FAM186B: variants seen among roughly 807,000 people sequenced by gnomAD.
FAM186B encodes family with sequence similarity 186 member B.
FAM186B carries 68 observed loss-of-function variants against 83.4 expected under a neutral mutation model. That is an observed-to-expected ratio of 0.81 (90% CI 0.67 to 1.00). The LOEUF (loss-of-function observed/expected upper bound fraction) is 1.00. Ranked by LOEUF, FAM186B falls within the 50% of genes least tolerant of loss-of-function variation. The pLI is 0.00. For missense variants in FAM186B, 983 were observed against 1,099.2 expected (o/e 0.89, Z 1.49); for synonymous variants, 389 against 422.0 (o/e 0.92, Z 0.96).
chr12:49,617,535 C>A, the FAM186B span, among the ~76,000 whole-genome samples: 1 of 151,998 alleles, frequency 6.6e-6, no homozygotes, highest in Non-Finnish European at 1.5e-5. Flanking sequence ...CAGAATGAGA[C>A]CCTGTCTCAA....
chr12:49,614,524 C>T, the FAM186B span, among the ~76,000 whole-genome samples: 1 of 152,110 alleles, frequency 6.6e-6, no homozygotes, highest in Non-Finnish European at 1.5e-5. Context: ...GGGAGCTAAA[C>T]ATTGGGTACT....
upstream of FAM186B, among the ~76,000 whole-genome samples, chr12:49,608,614 A>G (rs959291206): frequency 1.3e-5 from 2 of 151,998 alleles, no homozygotes; most frequent in Non-Finnish European, 2.9e-5. Context: ...GTGGGCTTTA[A>G]TTCAAGAAAG....
chr12:49,599,662 T>C lies in FAM186B; in HGVS notation c.1978A>G (p.Lys660Glu), dbSNP rs747412448. ...GCCTCCATGTCCATGTGGTACACCTTCTTCTTAATATTTGCAGGGGATATC... is the reference window on the plus strand; with the variant it reads ...GCCTCCATGTCCATGTGGTACACCTCCTTCTTAATATTTGCAGGGGATATC... Reference protein sequence around the residue: ...LQISPANIKKKVYHMDMEAQR... With the variant: ...LQISPANIKKEVYHMDMEAQR... Residue 660 changes from lysine to glutamate, a missense_variant, in exon 4 of 7, where the codon AAG becomes GAG. Physicochemically the swap from Lys to Glu is moderately conservative, Grantham distance 56 (BLOSUM62 1). Coordinates refer to ENST00000257894, the MANE Select transcript of FAM186B (RefSeq NM_032130.3). 1 of 1,605,616 alleles carries C rather than the reference T, an allele frequency of 6.2e-7. No homozygotes were observed. The highest frequency in any genetic ancestry group is 8.5e-7 in the Non-Finnish European group (1 of 1,175,906).
chr12:49,610,773 G>C, the FAM186B span, among the ~76,000 whole-genome samples: 2 of 142,692 alleles, frequency 1.4e-5, no homozygotes, highest in Middle Eastern at 3.9e-3. Flanking sequence ...CTGGGCGACA[G>C]AGCAAGACTC....
rs753496585 is a variant in FAM186B, at chr12:49,599,573, G to A, written c.2067C>T (p.Arg689=). ...ESELRLPHYL[R]SKALELTTTT... Reference sequence around the variant, plus strand: ...TGGTGGTGAGCTCCAGTGCTTTGCTGCGCAGGTAGTGGGGCAGCCTCAACT... The same window carrying A: ...TGGTGGTGAGCTCCAGTGCTTTGCTACGCAGGTAGTGGGGCAGCCTCAACT... The change falls in exon 4 of 7, where the codon CGC becomes CGT. Residue 689 remains arginine, a synonymous_variant. Transcript: ENST00000257894. 6.2e-7 allele frequency: 1 copy of A among 1,612,820 alleles called. No individual in the cohort carries two copies. Among genetic ancestry groups the A allele is most frequent in the South Asian group, 1.1e-5 (1 of 90,890 alleles).
chr12:49,613,162 A>C, the FAM186B span, among the ~76,000 whole-genome samples: 37 of 152,346 alleles, frequency 2.4e-4, 1 homozygote, highest in East Asian at 6.9e-3. Context: ...TAAGGCAGAA[A>C]TCAAAATATT....
upstream of FAM186B, among the ~76,000 whole-genome samples, chr12:49,609,300 G>A (rs867953374): frequency 1.2e-4 from 18 of 152,276 alleles, no homozygotes; most frequent in Middle Eastern, 3.4e-3. Context: ...CACTCAGGGA[G>A]ATCTCCAGGC....
chr12:49,606,486 G>GACACACACAC (rs57458344), upstream of FAM186B, among the ~76,000 whole-genome samples: 111 of 136,086 alleles, frequency 8.2e-4, 1 homozygote, highest in African/African-American at 2.2e-3. Flanking sequence ...TAGATACCCT[G>GACACACACAC]ACACACACAC....
chr12:49,610,946 T>A, the FAM186B span, among the ~76,000 whole-genome samples: 6 of 151,922 alleles, frequency 3.9e-5, no homozygotes, highest in African/African-American at 7.3e-5. Context: ...AGGTAATTTT[T>A]AAAAATGAAC....
At position 49,599,888 on chromosome 12, in the gene FAM186B, T is replaced by G. The variant is rs1939830487; in HGVS notation, c.1752A>C (p.Gln584His). ...GTGGCCTCCTGCTTTGGTGAGCAGA[T>G]TGGGTCCGGCTTGGGGCAGGCACTA... ...LSLVPAPSRT[Q>H]SAHQSRRPHL... The change falls in exon 4 of 7, where the codon CAA becomes CAC. Residue 584 changes from glutamine to histidine, a missense_variant. Coordinates refer to ENST00000257894, the MANE Select transcript of FAM186B (RefSeq NM_032130.3). 1 of 1,610,346 alleles carries G rather than the reference T, an allele frequency of 6.2e-7. No homozygotes were observed. Among genetic ancestry groups the G allele is most frequent in the African/African-American group, 1.3e-5 (1 of 74,832 alleles).
intron 5 of FAM186B, among the ~76,000 whole-genome samples, chr12:49,593,752 CGCTTAAGGGCAAGAT>C (rs1480909588): frequency 2.0e-5 from 3 of 151,904 alleles, no homozygotes; most frequent in Non-Finnish European, 4.4e-5. Context: ...GTGGCAGGAT[CGCTTAAGGGCAAGAT>C]TTGGAGACCA....
At position 49,604,503 on chromosome 12, in the gene FAM186B, A is replaced by G; in HGVS notation, c.132T>C (p.Asn44=). 1 of 1,614,202 alleles carries G rather than the reference A, an allele frequency of 6.2e-7. No homozygotes were observed. Among genetic ancestry groups the G allele is most frequent in the Non-Finnish European group, 8.5e-7 (1 of 1,180,038 alleles). Residue 44 remains asparagine, a synonymous_variant, in exon 2 of 7, where the codon AAT becomes AAC. Transcript: ENST00000257894. ...GGAAGCGGTTGATGACACAATTGAC[A>G]TTGTCCAAAATGTCTGAGAGCTGGG... ...ISTQLSDILD[N]VNCVINRFQE... is the part of the protein sequence containing the mutation.
Position 49,598,778 on chromosome 12 carries a change from T to C in FAM186B, c.2341A>G (p.Ser781Gly). The change falls in exon 5 of 7, where the codon AGC becomes GGC. Residue 781 changes from serine to glycine, a missense_variant. Coordinates refer to ENST00000257894, the MANE Select transcript of FAM186B (RefSeq NM_032130.3). ...LEEKHRECLS[S>G]MVTMFPKLQL... is the part of the protein sequence containing the mutation. ...ACCTTGGGGAACATGGTCACCATGC[T>C]GCTCAGGCACTCTCGGTGCTTCTCC... is the stretch of plus-strand genomic sequence containing the variant. 1.2e-6 allele frequency: 2 copies of C among 1,610,746 alleles called. No individual in the cohort carries two copies. The highest frequency in any genetic ancestry group is 1.7e-6 in the Non-Finnish European group (2 of 1,179,526).
the FAM186B span, chr12:49,619,229 G>C: frequency 4.9e-6 from 1 of 205,024 alleles, no homozygotes; most frequent in Non-Finnish European, 9.7e-6. Context: ...TCAAAAAAGC[G>C]GGAGTATTAT....
chr12:49,584,379 A>C, downstream of FAM186B: 1 of 653,796 alleles, frequency 1.5e-6, no homozygotes, highest in South Asian at 1.7e-5. Flanking sequence ...AGCAACCCCC[A>C]GAGGGTTTCT....
the FAM186B span, among the ~76,000 whole-genome samples, chr12:49,616,512 C>T: frequency 0.024 from 3,655 of 152,166 alleles, 73 homozygotes; most frequent in Non-Finnish European, 0.037. Context: ...GTAGTATGTC[C>T]GTGTGATGAA....
At chr12:49,595,502 T>G (rs1939695374) in intron 5 of FAM186B, 3 of 467,732 alleles carry the variant, frequency 6.4e-6, no homozygotes, top group Non-Finnish European at 1.3e-5. Context: ...ACACTCCCGC[T>G]TGCTAAGGAC....
chr12:49,618,117 T>G, the FAM186B span, among the ~76,000 whole-genome samples: 1 of 151,962 alleles, frequency 6.6e-6, no homozygotes. Flanking sequence ...GAGGCTGAGG[T>G]GGGTGGATCA....
At chr12:49,584,381 A>G, downstream of FAM186B, 1 of 655,560 alleles carries the variant, frequency 1.5e-6, no homozygotes, top group Non-Finnish European at 2.8e-6. Flanking sequence ...CAACCCCCAG[A>G]GGGTTTCTTT....
Sources: allele counts gnomAD v4.1 joint callset (sites outside exome capture counted in the v4.1 genomes callset), GRCh38; gene constraint gnomAD v4.1.1; transcripts MANE v1.5; gene names NCBI Gene and HGNC (gene_info 2026-07-23, HGNC 2026-07-21).